The following NRXN1 variants were observed in gnomAD, a reference collection of about 807,000 sequenced individuals.
NRXN1 encodes neurexin 1.
NRXN1 carries 39 observed loss-of-function variants against 150.9 expected under a neutral mutation model. The observed-to-expected ratio is 0.26, with a 90% CI of 0.20 to 0.34. The LOEUF (loss-of-function observed/expected upper bound fraction) is 0.34. NRXN1 is among the 10% of genes least tolerant of loss of function. The probability of loss-of-function intolerance (pLI) is 1.00; values close to 1 mark genes in which losing one functional copy is unlikely to be tolerated. For missense variants in NRXN1, 1,815 were observed against 1,949.9 expected, an observed-to-expected ratio of 0.93 and a Z score of 1.30; for synonymous variants, 924 against 757.0, an observed-to-expected ratio of 1.22 and a Z score of -3.62.
chr2:50,502,873 T>C (rs975535665), intron 13 of NRXN1, among the ~76,000 whole-genome samples: 15 of 152,126 alleles, frequency 9.9e-5, no homozygotes, highest in East Asian at 3.9e-4. Flanking sequence ...CAAGTAGCAA[T>C]GATACCCCAG....
At chr2:50,177,310 C>G (rs141556733) in intron 18 of NRXN1, among the ~76,000 whole-genome samples, 1 of 152,130 alleles carries the variant, frequency 6.6e-6, no homozygotes, top group Non-Finnish European at 1.5e-5. Flanking sequence ...AATCAGATAA[C>G]TTAAAAGGTT....
In NRXN1 at chr2:50,346,890, G is replaced by GCCT; in HGVS notation, c.3365-109921_3365-109920insAGG. On this transcript the variant is annotated intron_variant, in intron 17 of 22. Transcript: ENST00000401669. This position sits in a 1 kb window ranked among gnomAD's most constrained non-coding sequence, Gnocchi z 5.0. Reference sequence around the variant, plus strand: ...CCCCTGCGCCGCCGCCGCCGCCGCCGCCGCCGCCGCCCCCGGGCGAGCCCA... The same window carrying GCCT: ...CCCCTGCGCCGCCGCCGCCGCCGCCGCCTCCGCCGCCGCCCCCGGGCGAGCCCA... The GCCT allele has an allele frequency of 1.5e-6, 2 of 1,315,082 alleles. No homozygotes were observed. Among genetic ancestry groups the GCCT allele is most frequent in the Non-Finnish European group, 1.9e-6 (2 of 1,033,100 alleles). The allele number at this position is 1,315,082 out of a possible 1,614,324, so 81.5% of individuals were successfully genotyped here.
chr2:50,919,372 T>C (rs949906337), intron 5 of NRXN1: 2 of 151,794 alleles, frequency 1.3e-5, no homozygotes, highest in Non-Finnish European at 2.9e-5. Flanking sequence ...TTTACATGTG[T>C]TAATTATTTT....
chr2:50,658,633 T>A (rs1686848610), intron 5 of NRXN1, among the ~76,000 whole-genome samples: 1 of 151,986 alleles, frequency 6.6e-6, no homozygotes, highest in African/African-American at 2.4e-5. Flanking sequence ...TACAGCCTCA[T>A]CACTTCCTTC....
intron 16 of NRXN1, among the ~76,000 whole-genome samples, chr2:50,469,792 G>C (rs2089285006): frequency 6.6e-6 from 1 of 150,516 alleles, no homozygotes. Context: ...AATTATAAAA[G>C]CTCAGATATA....
In NRXN1 at chr2:50,496,199, T is replaced by C. The variant is rs542070601; in HGVS notation, c.2880-104A>G. 4 of 773,132 alleles carry C rather than the reference T, an allele frequency of 5.2e-6. No individual in the cohort carries two copies. The Admixed American group carries it at 8.1e-5, about 16-fold the overall frequency. The allele number at this position is 773,132 out of a possible 1,614,324, so 47.9% of individuals were successfully genotyped here. On this transcript the variant is annotated intron_variant, in intron 14 of 22. Transcript: ENST00000401669. ...GATTTTTTTTCAGGTGGTTCCATCCTTACTAGAAGTCATGACAATAAGTTA... is the reference window on the plus strand; with the variant it reads ...GATTTTTTTTCAGGTGGTTCCATCCCTACTAGAAGTCATGACAATAAGTTA...
At chr2:50,515,075 A>T (rs2092588116) in intron 12 of NRXN1, among the ~76,000 whole-genome samples, 1 of 152,168 alleles carries the variant, frequency 6.6e-6, no homozygotes, top group Non-Finnish European at 1.5e-5. Context: ...GAGAAGCTTC[A>T]TCTGTATTTA....
chr2:50,406,759 ATGAC>A lies in NRXN1; in HGVS notation c.3364+58679_3364+58682del, dbSNP rs557966760. Among the ~76,000 whole-genome samples the A allele has an allele frequency of 5.0e-3, 757 of 152,292 alleles. 5 individuals carry two copies. The highest frequency in any genetic ancestry group is 7.8e-3 in the Non-Finnish European group (529 of 68,020). Reference sequence around the variant, plus strand: ...GTATCTTTCCTTTGGTTCTTATCTAATGACTGACTCTCTTCCATGTACCTTTAAA... The same window carrying A: ...GTATCTTTCCTTTGGTTCTTATCTAATGACTCTCTTCCATGTACCTTTAAA... On this transcript the variant is annotated intron_variant, in intron 17 of 22. Coordinates refer to ENST00000401669, the MANE Select transcript of NRXN1 (RefSeq NM_001330078.2).
chr2:50,259,970 A>T (rs916753276), intron 17 of NRXN1, among the ~76,000 whole-genome samples: 16 of 151,800 alleles, frequency 1.1e-4, no homozygotes, highest in Admixed American at 2.6e-4. Flanking sequence ...GCATGTACAG[A>T]TGAAATTGGG....
chr2:50,523,724 T>C (rs1019543147), intron 12 of NRXN1, among the ~76,000 whole-genome samples: 1 of 152,204 alleles, frequency 6.6e-6, no homozygotes, highest in African/African-American at 2.4e-5. Context: ...TTCAAAAATA[T>C]ACTATGTGAA....
chr2:50,802,513 G>A, intron 5 of NRXN1, among the ~76,000 whole-genome samples: 1 of 79,664 alleles, frequency 1.3e-5, no homozygotes, highest in Non-Finnish European at 2.8e-5. Flanking sequence ...AAGGAAGGAA[G>A]GAAGGAAGGA....
chr2:50,251,265 AC>A (rs2067042066), intron 17 of NRXN1, among the ~76,000 whole-genome samples: 1 of 151,740 alleles, frequency 6.6e-6, no homozygotes, highest in African/African-American at 2.4e-5. Context: ...CCCACTTATA[AC>A]TGAGAACGTG....
Position 50,347,537 on chromosome 2 carries a change from C to A in NRXN1, c.3365-110567G>T, listed in dbSNP as rs1055753698. The A allele has an allele frequency of 3.8e-6, 4 of 1,044,210 alleles. No homozygotes were observed. The South Asian group carries it at 8.7e-5, about 23-fold the overall frequency. 64.7% of individuals were successfully genotyped at this position (1,044,210 alleles called of 1,614,324 possible). A position where few individuals can be genotyped will look rare whatever the true frequency, so the allele number is the denominator to read the frequency against. On this transcript the variant is annotated intron_variant, in intron 17 of 22. Coordinates refer to ENST00000401669, the MANE Select transcript of NRXN1 (RefSeq NM_001330078.2). The surrounding 1 kb of genome is among the most constrained non-coding windows in gnomAD (Gnocchi z 4.9). ...CCGGCTCGCCCGCTAGCGCCAGCCT[C>A]CCCCGGGCAGCGCGCGGAGCAGCGG...
chr2:50,783,887 TCTC>T (rs1465821990), intron 5 of NRXN1, among the ~76,000 whole-genome samples: 1 of 152,064 alleles, frequency 6.6e-6, no homozygotes, highest in African/African-American at 2.4e-5. Context: ...AACCGTGTCT[TCTC>T]CTTATTCCTG....
At chr2:50,373,850 T>G (rs2080287873) in intron 17 of NRXN1, among the ~76,000 whole-genome samples, 1 of 152,008 alleles carries the variant, frequency 6.6e-6, no homozygotes, top group Non-Finnish European at 1.5e-5. Flanking sequence ...CAAAGTTATT[T>G]GTGATTATTA....
At position 50,111,647 on chromosome 2, in the gene NRXN1, G is replaced by GA. The variant is rs1033625670; in HGVS notation, c.3547-20154dup. Among the ~76,000 whole-genome samples, 15 of 147,166 alleles carry GA rather than the reference G, an allele frequency of 1.0e-4. 1 individual carries two copies. Among genetic ancestry groups the GA allele is most frequent in the Admixed American group, 2.7e-4 (4 of 14,768 alleles). On this transcript the variant is annotated intron_variant, in intron 18 of 22. Coordinates refer to ENST00000401669, the MANE Select transcript of NRXN1 (RefSeq NM_001330078.2). ...GAGTGACACTCTGTCTCAAAAAAAA[G>GA]AAAAAAAAAAGTTACTCTCATGGGT...
rs182836366 is a variant in NRXN1 at position 50,749,382 on chromosome 2, C to T, written c.833-125767G>A. Reference sequence around the variant, plus strand: ...AAGTCCGTGAATCCCATTCTTTTTTCCCACAGAGAAAAGGGATTAGAACTT... The same window carrying T: ...AAGTCCGTGAATCCCATTCTTTTTTTCCACAGAGAAAAGGGATTAGAACTT... On this transcript the variant is annotated intron_variant, in intron 5 of 22. Transcript: ENST00000401669. Among the ~76,000 whole-genome samples, 16 of 152,030 alleles carry T rather than the reference C, an allele frequency of 1.1e-4. No individual in the cohort carries two copies. The East Asian group carries it at 2.3e-3, about 22-fold the overall frequency.
intron 8 of NRXN1, among the ~76,000 whole-genome samples, chr2:50,601,145 A>G (rs190836254): frequency 2.3e-4 from 35 of 152,236 alleles, no homozygotes; most frequent in African/African-American, 8.4e-4. Context: ...CTATTTAACT[A>G]CAGGGTTTAT....
chr2:50,619,920 T>C, intron 8 of NRXN1, 102 bp downstream of exon 8: 1 of 1,072,998 alleles, frequency 9.3e-7, no homozygotes, highest in Non-Finnish European at 1.3e-6. Flanking sequence ...AGTTGTGCCG[T>C]TTGACTCTGG....
Sources: allele counts gnomAD v4.1 joint callset (sites outside exome capture counted in the v4.1 genomes callset), GRCh38; gene constraint gnomAD v4.1.1; non-coding constraint Gnocchi (gnomAD v3.1); transcripts MANE v1.5; gene names NCBI Gene and HGNC (gene_info 2026-07-23, HGNC 2026-07-21).